SLC16A10: variants seen among roughly 807,000 people sequenced by gnomAD.
The protein encoded by SLC16A10 is solute carrier family 16 member 10, also known as monocarboxylate transporter 10.
Under a neutral mutation model 40.0 loss-of-function variants are expected in SLC16A10, and 27 were observed. The ratio of observed to expected loss-of-function variants is 0.67; its 90% CI spans 0.50 to 0.93. The LOEUF (loss-of-function observed/expected upper bound fraction) is 0.93. Ranked by LOEUF, SLC16A10 falls within the 40% of genes least tolerant of loss-of-function variation. The pLI is 0.00. For missense variants in SLC16A10, 529 were observed against 658.2 expected, an observed-to-expected ratio of 0.80 and a Z score of 2.15; for synonymous variants, 213 against 249.8, an observed-to-expected ratio of 0.85 and a Z score of 1.39.
chr6:111,183,332 C>A (rs914141323), intron 3 of SLC16A10, among the ~76,000 whole-genome samples: 1 of 152,166 alleles, frequency 6.6e-6, no homozygotes, highest in Non-Finnish European at 1.5e-5. Flanking sequence ...CTAACATTAT[C>A]TATTTTACTT....
intron 3 of SLC16A10, among the ~76,000 whole-genome samples, chr6:111,198,594 C>T (rs953228744): frequency 1.9e-4 from 29 of 152,154 alleles, no homozygotes; most frequent in Non-Finnish European, 8.8e-5. Flanking sequence ...ATGCTGTAGG[C>T]AGTTGTAACA....
rs111971755 is a variant in SLC16A10, at chr6:111,115,631, G to A, written c.343+27536G>A. 2.2e-3 allele frequency among the ~76,000 whole-genome samples: 331 copies of A among 152,320 alleles called. 2 individuals carry two copies. The highest frequency in any genetic ancestry group is 7.5e-3 in the African/African-American group (310 of 41,574). On this transcript the variant is annotated intron_variant, in intron 1 of 5. Transcript: ENST00000368851. ...ATGTTTCTTTGAAGCCAGCTTTCTG[G>A]TTGCTCCCTTATTCTTTCTTTCTCA...
chr6:111,184,906 C>T (rs763140887), intron 3 of SLC16A10, among the ~76,000 whole-genome samples: 1 of 152,192 alleles, frequency 6.6e-6, no homozygotes, highest in Non-Finnish European at 1.5e-5. Context: ...TCAATCAACA[C>T]TGGAATGTAG....
At chr6:111,179,583 T>C (rs539467345) in intron 3 of SLC16A10, among the ~76,000 whole-genome samples, 33 of 152,342 alleles carry the variant, frequency 2.2e-4, no homozygotes, top group African/African-American at 6.3e-4. Flanking sequence ...AAGCATGTTA[T>C]TTCTTCAGGT....
intron 1 of SLC16A10, among the ~76,000 whole-genome samples, chr6:111,158,046 G>A (rs1772303611): frequency 6.6e-6 from 1 of 152,000 alleles, no homozygotes; most frequent in Non-Finnish European, 1.5e-5. Flanking sequence ...ATAACAGAGA[G>A]CTATTCTATC....
chr6:111,101,013 T>TATAA (rs1282928443), intron 1 of SLC16A10, among the ~76,000 whole-genome samples: 1 of 133,620 alleles, frequency 7.5e-6, no homozygotes, highest in African/African-American at 3.0e-5. Context: ...TATATATATA[T>TATAA]ATATAAATAT....
At chr6:111,089,644 T>C (rs1191259478) in intron 1 of SLC16A10, among the ~76,000 whole-genome samples, 2 of 152,196 alleles carry the variant, frequency 1.3e-5, no homozygotes, top group African/African-American at 4.8e-5. Flanking sequence ...GTAATCATTG[T>C]AAAGTTTAGC....
At chr6:111,159,710 T>C (rs1772336802) in intron 1 of SLC16A10, among the ~76,000 whole-genome samples, 1 of 152,242 alleles carries the variant, frequency 6.6e-6, no homozygotes, top group African/African-American at 2.4e-5. Context: ...TTTAACTTTT[T>C]AAGAAATTCC....
intron 1 of SLC16A10, among the ~76,000 whole-genome samples, chr6:111,123,138 A>G (rs1583314859): frequency 6.6e-6 from 1 of 152,180 alleles, no homozygotes; most frequent in South Asian, 2.1e-4. Flanking sequence ...ACTCTGGCCC[A>G]TTCCTCCCAC....
intron 1 of SLC16A10, among the ~76,000 whole-genome samples, chr6:111,144,314 C>T (rs1772037387): frequency 6.6e-6 from 1 of 152,168 alleles, no homozygotes; most frequent in Admixed American, 6.5e-5. Flanking sequence ...CGCCATTCTC[C>T]TGCCTCAGCC....
intron 1 of SLC16A10, among the ~76,000 whole-genome samples, chr6:111,110,651 A>T (rs1161997449): frequency 1.3e-5 from 2 of 152,090 alleles, no homozygotes; most frequent in East Asian, 3.9e-4. Context: ...GAATGGCAAA[A>T]GTTTGGGAGC....
At chr6:111,160,207 G>GC (rs971659773) in intron 1 of SLC16A10, among the ~76,000 whole-genome samples, 1 of 152,028 alleles carries the variant, frequency 6.6e-6, no homozygotes, top group Admixed American at 6.6e-5. Context: ...AGAAATCTTT[G>GC]CCTAAACCAA....
At chr6:111,109,845 G>A (rs9487587) in intron 1 of SLC16A10, among the ~76,000 whole-genome samples, 12,336 of 152,146 alleles carry the variant, frequency 0.081, 1,557 homozygotes, top group African/African-American at 0.27. Flanking sequence ...ACATTTGTAT[G>A]CAAACCTTTG....
At chr6:111,140,900 C>T (rs1473775958) in intron 1 of SLC16A10, among the ~76,000 whole-genome samples, 1 of 152,136 alleles carries the variant, frequency 6.6e-6, no homozygotes, top group Non-Finnish European at 1.5e-5. Flanking sequence ...ATCCTCCCGC[C>T]TCAGCCTCCC....
chr6:111,137,012 C>T (rs1316396897), intron 1 of SLC16A10, among the ~76,000 whole-genome samples: 1 of 152,126 alleles, frequency 6.6e-6, no homozygotes, highest in African/African-American at 2.4e-5. Context: ...ATTGGCTGCA[C>T]AGAAATCTAA....
At chr6:111,123,562 C>T (rs1288516134) in intron 1 of SLC16A10, among the ~76,000 whole-genome samples, 1 of 152,206 alleles carries the variant, frequency 6.6e-6, no homozygotes, top group East Asian at 1.9e-4. Context: ...CTGGCTAAGA[C>T]TTGCTGCTGC....
At chr6:111,182,086 C>T (rs1247278588) in intron 3 of SLC16A10, among the ~76,000 whole-genome samples, 1 of 151,984 alleles carries the variant, frequency 6.6e-6, no homozygotes, top group Non-Finnish European at 1.5e-5. Context: ...GCAACCTCCA[C>T]TTCCCGGATT....
intron 1 of SLC16A10, among the ~76,000 whole-genome samples, chr6:111,135,231 C>T (rs1265267181): frequency 2.0e-5 from 3 of 152,132 alleles, no homozygotes; most frequent in Non-Finnish European, 2.9e-5. Context: ...AAGGACAATA[C>T]GGATGAGCAA....
rs910408061 is a variant in SLC16A10 at position 111,222,370 on chromosome 6, C to T, written c.*135C>T. 3 of 1,167,358 alleles carry T rather than the reference C, an allele frequency of 2.6e-6. No individual in the cohort carries two copies. The Admixed American group carries it at 1.1e-4, about 43-fold the overall frequency. The allele number at this position is 1,167,358 out of a possible 1,614,324, so 72.3% of individuals were successfully genotyped here. ...TAGCACAATAATTGGGAAATAGAAC[C>T]CTTATCACTAGAAGAACCATTTTCT... On this transcript the variant is annotated 3_prime_UTR_variant, in exon 6 of 6. Coordinates refer to ENST00000368851, the MANE Select transcript of SLC16A10 (RefSeq NM_018593.5).
Sources: allele counts gnomAD v4.1 joint callset (sites outside exome capture counted in the v4.1 genomes callset), GRCh38; gene constraint gnomAD v4.1.1; transcripts MANE v1.5; gene names NCBI Gene and HGNC (gene_info 2026-07-23, HGNC 2026-07-21).